Variants in PTPRA observed in about 807,000 individuals in gnomAD.
The protein encoded by PTPRA is protein tyrosine phosphatase receptor type A.
In PTPRA, 25 loss-of-function variants were observed where a neutral mutation model predicts 104.8. The ratio of observed to expected loss-of-function variants is 0.24; its 90% CI spans 0.17 to 0.33. PTPRA has a LOEUF of 0.33. Ranked by LOEUF, PTPRA falls within the 10% of genes least tolerant of loss-of-function variation. The pLI is 1.00. For missense variants in PTPRA, 765 were observed against 1,015.3 expected, an observed-to-expected ratio of 0.75 and a Z score of 3.35; for synonymous variants, 323 against 368.9, an observed-to-expected ratio of 0.88 and a Z score of 1.43.
chr20:3,011,412 A>T (rs2064163217), intron 11 of PTPRA, among the ~76,000 whole-genome samples: 1 of 152,254 alleles, frequency 6.6e-6, no homozygotes, highest in Non-Finnish European at 1.5e-5. Flanking sequence ...CTACACAGGT[A>T]GTTAGGTTGT....
intron 5 of PTPRA, among the ~76,000 whole-genome samples, chr20:2,966,408 G>A (rs188707599): frequency 1.3e-5 from 2 of 152,358 alleles, no homozygotes; most frequent in African/African-American, 2.4e-5. Context: ...TATGGGTAAA[G>A]CACTTATAAA....
In PTPRA at chr20:2,943,206, T is replaced by TCCC. The variant is rs147898735; in HGVS notation, c.-49-4772_-49-4770dup. ...CATCTACTGGGAGTCTTGGAACATA[T>TCCC]CCCCCCACCCCCCCCCCAGATAAGG... On this transcript the variant is annotated intron_variant, in intron 2 of 23. Coordinates refer to ENST00000399903, the MANE Select transcript of PTPRA (RefSeq NM_001385305.1). 7.7e-3 allele frequency among the ~76,000 whole-genome samples: 744 copies of TCCC among 97,038 alleles called. 1 individual carries two copies. Among genetic ancestry groups the TCCC allele is most frequent in the African/African-American group, 0.017 (485 of 28,112 alleles). The allele number at this position is 97,038 out of a possible 152,430, so 63.7% of individuals were successfully genotyped here. A position where few individuals can be genotyped will look rare whatever the true frequency, so the allele number is the denominator to read the frequency against.
intron 1 of PTPRA, among the ~76,000 whole-genome samples, chr20:2,882,523 C>G (rs527767920): frequency 1.5e-4 from 23 of 152,072 alleles, no homozygotes; most frequent in Non-Finnish European, 2.8e-4. Flanking sequence ...GAACTCCTGG[C>G]TCAAGCAATC....
intron 1 of PTPRA, among the ~76,000 whole-genome samples, chr20:2,897,740 T>C (rs115846299): frequency 6.6e-6 from 1 of 152,062 alleles, no homozygotes. Flanking sequence ...GGTTTTTGTC[T>C]TTGTTTTTGT....
Position 3,035,728 on chromosome 20 carries a change from T to G in PTPRA, c.2046+18T>G. ...ACACCAGGGTAAGATGGGTCGTGGGTGGACTCTGCCCACAGGAAAAGCAGG... is the reference window on the plus strand; with the variant it reads ...ACACCAGGGTAAGATGGGTCGTGGGGGGACTCTGCCCACAGGAAAAGCAGG... On this transcript the variant is annotated intron_variant, in intron 21 of 23. Coordinates refer to ENST00000399903, the MANE Select transcript of PTPRA (RefSeq NM_001385305.1). This position sits in a 1 kb window ranked among gnomAD's most constrained non-coding sequence, Gnocchi z 5.8. 1 of 1,614,160 alleles carries G rather than the reference T, an allele frequency of 6.2e-7. No individual in the cohort carries two copies. Among genetic ancestry groups the G allele is most frequent in the Non-Finnish European group, 8.5e-7 (1 of 1,180,014 alleles).
chr20:3,018,105 A>G (rs540779187), intron 13 of PTPRA, among the ~76,000 whole-genome samples, 192 bp downstream of exon 13: 7 of 152,362 alleles, frequency 4.6e-5, no homozygotes, highest in Admixed American at 1.3e-4. Context: ...CCTAGAGCAC[A>G]TTCCCTGTAT....
intron 3 of PTPRA, among the ~76,000 whole-genome samples, chr20:2,959,587 G>A (rs1409031200): frequency 6.6e-6 from 1 of 151,816 alleles, no homozygotes; most frequent in East Asian, 1.9e-4. Context: ...AGAGAAATAA[G>A]AAAAAATAAA....
intron 9 of PTPRA, among the ~76,000 whole-genome samples, chr20:3,002,126 C>T (rs1213477473): frequency 6.6e-6 from 1 of 151,840 alleles, no homozygotes; most frequent in Non-Finnish European, 1.5e-5. Context: ...GGTGACAGAG[C>T]GAGACCCTGT....
At chr20:2,881,363 G>C (rs987189822) in intron 1 of PTPRA, among the ~76,000 whole-genome samples, 1 of 151,812 alleles carries the variant, frequency 6.6e-6, no homozygotes, top group Non-Finnish European at 1.5e-5. Flanking sequence ...AAAATATGAG[G>C]CTGTCACCAG....
intron 6 of PTPRA, among the ~76,000 whole-genome samples, chr20:2,976,789 T>A (rs2062449455): frequency 6.6e-6 from 1 of 152,200 alleles, no homozygotes; most frequent in Non-Finnish European, 1.5e-5. Context: ...TGTATTATAA[T>A]CGGTTTGATA....
chr20:2,927,783 G>C (rs1600125269), intron 2 of PTPRA, among the ~76,000 whole-genome samples: 1 of 152,178 alleles, frequency 6.6e-6, no homozygotes, highest in African/African-American at 2.4e-5. Flanking sequence ...GCTGAGGCAG[G>C]TGGATCACTT....
intron 17 of PTPRA, among the ~76,000 whole-genome samples, chr20:3,025,179 G>T (rs1293381162): frequency 6.6e-6 from 1 of 152,190 alleles, no homozygotes; most frequent in Admixed American, 6.5e-5. Flanking sequence ...CCCAGGCTGG[G>T]CACAGTGGCT....
At chr20:3,017,173 A>G (rs6051529) in intron 12 of PTPRA, among the ~76,000 whole-genome samples, 3 of 151,816 alleles carry the variant, frequency 2.0e-5, no homozygotes, top group African/African-American at 7.2e-5. Context: ...TAATTTTTTT[A>G]TCTTGGGATC....
At chr20:2,865,338 C>T in the PTPRA span, 4 of 1,614,078 alleles carry the variant, frequency 2.5e-6, no homozygotes, top group South Asian at 3.3e-5. The surrounding 1 kb of genome is among the most constrained non-coding windows in gnomAD (Gnocchi z 5.2). Context: ...GCCCAGGCTG[C>T]ATGTGGGTCC....
chr20:2,994,794 C>T (rs1462154976), intron 9 of PTPRA, among the ~76,000 whole-genome samples: 5 of 152,234 alleles, frequency 3.3e-5, no homozygotes, highest in African/African-American at 1.2e-4. Context: ...AGCTGTTACA[C>T]TACCTGCAGA....
At chr20:2,889,978 G>A (rs2058734140) in intron 1 of PTPRA, among the ~76,000 whole-genome samples, 1 of 151,976 alleles carries the variant, frequency 6.6e-6, no homozygotes, top group South Asian at 2.1e-4. Flanking sequence ...TGACCTCCTG[G>A]GCTCAAGTGA....
At chr20:2,925,754 G>A (rs2147415684) in intron 2 of PTPRA, among the ~76,000 whole-genome samples, 1 of 152,288 alleles carries the variant, frequency 6.6e-6, no homozygotes, top group South Asian at 2.1e-4. Flanking sequence ...GGTAGAGGTT[G>A]CAGTGAGCCC....
intron 2 of PTPRA, among the ~76,000 whole-genome samples, chr20:2,930,640 A>G (rs2060471425): frequency 6.6e-6 from 1 of 152,136 alleles, no homozygotes; most frequent in Non-Finnish European, 1.5e-5. Flanking sequence ...ATTGTAAATG[A>G]TCACTCAAAT....
chr20:3,013,260 G>A (rs2064267231), intron 11 of PTPRA, among the ~76,000 whole-genome samples: 1 of 152,166 alleles, frequency 6.6e-6, no homozygotes, highest in Non-Finnish European at 1.5e-5. Context: ...GGAAAGTGGG[G>A]TCTGTAGTTT....
Sources: gnomAD v4.1 joint callset for allele counts (sites outside exome capture counted in the v4.1 genomes callset) on GRCh38, gnomAD v4.1.1 for gene constraint, Gnocchi (gnomAD v3.1) non-coding constraint, MANE v1.5 for transcripts, NCBI Gene and HGNC (gene_info 2026-07-23, HGNC 2026-07-21) for gene names.